Variants in CDK14 observed in about 807,000 individuals in gnomAD.
CDK14 encodes cyclin dependent kinase 14.
Under a neutral mutation model 60.7 loss-of-function variants are expected in CDK14, and 34 were observed. The ratio of observed to expected loss-of-function variants is 0.56; its 90% confidence interval spans 0.43 to 0.75. The LOEUF (loss-of-function observed/expected upper bound fraction) is 0.75, where lower values mean the gene tolerates loss of function less well. Ranked by LOEUF, CDK14 falls within the 30% of genes least tolerant of loss-of-function variation. The pLI is 0.00. For synonymous variants in CDK14, 197 were observed against 203.7 expected (o/e 0.97, Z 0.28); for missense variants, 482 against 564.1 (o/e 0.85, Z 1.47).
chr7:91,098,980 G>T (rs1234588397), intron 12 of CDK14, among the ~76,000 whole-genome samples: 3 of 152,114 alleles, frequency 2.0e-5, no homozygotes, highest in Non-Finnish European at 4.4e-5. Flanking sequence ...CTTTGAAGAG[G>T]TTTGTTCAGG....
In CDK14 at chr7:90,938,867, T is replaced by C. The variant is rs190518941; in HGVS notation, c.827-16830T>C. Among the ~76,000 whole-genome samples the C allele has an allele frequency of 2.0e-4, 30 of 152,358 alleles. No homozygotes were observed. In the East Asian group the frequency reaches 5.8e-3, roughly 29 times the overall value. ...ATATATACTGTATTTGTTTACAACA[T>C]TTGATGCATTGTCATCTTTAAAGTT... On this transcript the variant is annotated intron_variant, in intron 8 of 14. Transcript: ENST00000380050.
At chr7:90,761,098 A>G (rs991124608) in intron 4 of CDK14, among the ~76,000 whole-genome samples, 3 of 152,188 alleles carry the variant, frequency 2.0e-5, no homozygotes, top group Non-Finnish European at 4.4e-5. Flanking sequence ...AGTGACAGTG[A>G]GGATATTGTT....
chr7:90,680,388 A>G (rs969282319), intron 2 of CDK14, among the ~76,000 whole-genome samples: 1 of 152,244 alleles, frequency 6.6e-6, no homozygotes, highest in African/African-American at 2.4e-5. Context: ...ATTATTTGGT[A>G]TAATTAAATT....
intron 2 of CDK14, among the ~76,000 whole-genome samples, chr7:90,667,172 A>G (rs1800998822): frequency 6.6e-6 from 1 of 152,226 alleles, no homozygotes; most frequent in Non-Finnish European, 1.5e-5. Flanking sequence ...TATAGTCATC[A>G]TTGTACATCT....
chr7:90,613,187 A>G (rs1435610605), intron 2 of CDK14, among the ~76,000 whole-genome samples: 1 of 152,216 alleles, frequency 6.6e-6, no homozygotes, highest in East Asian at 1.9e-4. Context: ...ACATGTCACA[A>G]AGTGCAAGAT....
At chr7:90,986,058 T>G (rs904850079) in intron 10 of CDK14, among the ~76,000 whole-genome samples, 1 of 152,246 alleles carries the variant, frequency 6.6e-6, no homozygotes, top group Non-Finnish European at 1.5e-5. Context: ...AGTTTTTCTA[T>G]ATGTATTTGA....
At chr7:90,785,786 CAAAAAAAAAAAAA>C (rs34034860) in intron 4 of CDK14, among the ~76,000 whole-genome samples, 2 of 45,958 alleles carry the variant, frequency 4.4e-5, no homozygotes, top group Admixed American at 5.7e-4. Flanking sequence ...GACTCCGTCT[CAAAAAAAAAAAAA>C]AAAAAAAGAG....
chr7:90,637,241 G>A (rs1161155503), intron 2 of CDK14, among the ~76,000 whole-genome samples: 2 of 150,440 alleles, frequency 1.3e-5, no homozygotes, highest in Non-Finnish European at 3.0e-5. Context: ...TGTCAATTTT[G>A]GATCTTTCCT....
At chr7:90,926,667 A>G (rs974707811) in intron 8 of CDK14, among the ~76,000 whole-genome samples, 1 of 152,156 alleles carries the variant, frequency 6.6e-6, no homozygotes, top group African/African-American at 2.4e-5. Flanking sequence ...CCCCACACCA[A>G]TAACCAATTC....
rs184191328 is a variant in CDK14 at position 90,746,507 on chromosome 7, T to C, written c.370-1174T>C. ...TACCACAAATATTAGCAACTTTTTATGAATTATATGTATATTTATATTGGA... is the reference window on the plus strand; with the variant it reads ...TACCACAAATATTAGCAACTTTTTACGAATTATATGTATATTTATATTGGA... On this transcript the variant is annotated intron_variant, in intron 3 of 14. Coordinates refer to ENST00000380050, the MANE Select transcript of CDK14 (RefSeq NM_001287135.2). 1.3e-3 allele frequency among the ~76,000 whole-genome samples: 199 copies of C among 152,346 alleles called. 3 individuals are homozygous for C. The highest frequency in any genetic ancestry group is 0.013 in the Admixed American group (197 of 15,294).
At chr7:91,112,409 T>C in intron 12 of CDK14, 133 bp from the exon 13 acceptor site, 1 of 926,910 alleles carries the variant, frequency 1.1e-6, no homozygotes, top group South Asian at 1.7e-5. Flanking sequence ...ATTTTGCTTC[T>C]GTTTATTTCA....
intron 9 of CDK14, 122 bp from the exon 10 acceptor site, chr7:90,984,026 G>A (rs1472953812): frequency 4.4e-6 from 3 of 687,092 alleles, no homozygotes; most frequent in Non-Finnish European, 7.9e-6. Context: ...AAGTTAGAGG[G>A]GAAAAAGGAA....
At chr7:91,192,698 G>T (rs1802404337) in intron 14 of CDK14, among the ~76,000 whole-genome samples, 1 of 152,158 alleles carries the variant, frequency 6.6e-6, no homozygotes, top group Admixed American at 6.5e-5. Flanking sequence ...TTTAATATCA[G>T]TAGTAAGAAT....
At chr7:90,816,234 G>A (rs1039363926) in intron 5 of CDK14, among the ~76,000 whole-genome samples, 5 of 152,108 alleles carry the variant, frequency 3.3e-5, no homozygotes, top group African/African-American at 9.7e-5. Flanking sequence ...TGCCAGGGCA[G>A]CTGGCTGGAG....
chr7:91,012,772 A>G lies in CDK14; in HGVS notation c.1041+28531A>G, dbSNP rs958768871. ...TGACTGATTCTTTATGTCCCCTAGC[A>G]TTTAACATGATGCTAGATATATAGT... is the stretch of plus-strand genomic sequence containing the variant. On this transcript the variant is annotated intron_variant, in intron 10 of 14. Transcript: ENST00000380050. Among the ~76,000 whole-genome samples the G allele has an allele frequency of 2.0e-5, 3 of 152,226 alleles. No homozygotes were observed. The South Asian group carries it at 6.2e-4, about 32-fold the overall frequency.
chr7:90,809,777 A>T (rs1789013763), intron 5 of CDK14, among the ~76,000 whole-genome samples: 1 of 152,234 alleles, frequency 6.6e-6, no homozygotes, highest in Non-Finnish European at 1.5e-5. Flanking sequence ...ATAAAAAATG[A>T]TAAAGGGGAT....
chr7:91,200,968 C>A (rs897745177), intron 14 of CDK14, among the ~76,000 whole-genome samples: 2 of 152,160 alleles, frequency 1.3e-5, no homozygotes, highest in Non-Finnish European at 2.9e-5. Context: ...TATGGAAACT[C>A]ATTATACATC....
intron 14 of CDK14, among the ~76,000 whole-genome samples, chr7:91,177,098 A>T (rs1174383971): frequency 2.0e-5 from 3 of 150,392 alleles, no homozygotes; most frequent in African/African-American, 7.3e-5. Context: ...GCACATCAAA[A>T]AGCTTATCCA....
At chr7:90,618,470 C>A (rs1345893904) in intron 2 of CDK14, among the ~76,000 whole-genome samples, 2 of 152,118 alleles carry the variant, frequency 1.3e-5, no homozygotes, top group Non-Finnish European at 2.9e-5. Context: ...GGTTTAGTTG[C>A]CAGCCACTGG....
Sources: allele counts gnomAD v4.1 joint callset (sites outside exome capture counted in the v4.1 genomes callset), GRCh38; gene constraint gnomAD v4.1.1; transcripts MANE v1.5; gene names NCBI Gene and HGNC (gene_info 2026-07-23, HGNC 2026-07-21).